PEDS1: variants seen among roughly 807,000 people sequenced by gnomAD.
PEDS1 encodes plasmanylethanolamine desaturase 1.
Under a neutral mutation model 35.2 loss-of-function variants are expected in PEDS1, and 14 were observed. The observed-to-expected ratio is 0.40, with a 90% confidence interval of 0.26 to 0.62. The LOEUF (loss-of-function observed/expected upper bound fraction) is 0.62, where lower values mean the gene tolerates loss of function less well. Among genes scored for constraint, PEDS1 ranks in the 20% least tolerant of loss-of-function variants. The pLI is 0.44. For missense variants in PEDS1, 260 were observed against 367.8 expected (o/e 0.71, Z 2.40); for synonymous variants, 152 against 152.0 (o/e 1.00, Z 0.00).
intron 1 of PEDS1, among the ~76,000 whole-genome samples, chr20:50,145,547 T>C (rs1244982837): frequency 2.0e-5 from 3 of 152,052 alleles, no homozygotes; most frequent in East Asian, 3.9e-4. Context: ...ATACAAAAAC[T>C]AGCCAGGTGT....
rs773265842 is a variant in PEDS1 at position 50,123,567 on chromosome 20, C to T, written c.*1491G>A. 1 of 152,364 alleles carries T rather than the reference C, an allele frequency of 6.6e-6. No individual in the cohort carries two copies. The highest frequency in any genetic ancestry group is 2.4e-5 in the African/African-American group (1 of 41,448). The allele number at this position is 152,364 out of a possible 1,614,324, so 9.4% of individuals were successfully genotyped here. On this transcript the variant is annotated 3_prime_UTR_variant, in exon 6 of 6. Transcript: ENST00000371652. ...TGGCGTGAGCCACTGTGCGTGGCCCCAAGCTTGTTCTTGCCTCAGGGCCTG... is the reference window on the plus strand; with the variant it reads ...TGGCGTGAGCCACTGTGCGTGGCCCTAAGCTTGTTCTTGCCTCAGGGCCTG...
At chr20:50,148,249 G>C (rs905553178) in intron 1 of PEDS1, among the ~76,000 whole-genome samples, 7 of 152,180 alleles carry the variant, frequency 4.6e-5, no homozygotes, top group African/African-American at 1.7e-4. Context: ...GAGAGGTCAA[G>C]GCACTTGTCC....
At chr20:50,146,712 A>G (rs1029478806) in intron 1 of PEDS1, among the ~76,000 whole-genome samples, 1 of 152,204 alleles carries the variant, frequency 6.6e-6, no homozygotes, top group African/African-American at 2.4e-5. Context: ...CCAGGGTTAC[A>G]TGCCCTTGGC....
At position 50,122,116 on chromosome 20, in the gene PEDS1, G is replaced by C. The variant is rs2081056252; in HGVS notation, c.*2942C>G. On this transcript the variant is annotated 3_prime_UTR_variant, in exon 6 of 6. Coordinates refer to ENST00000371652, the MANE Select transcript of PEDS1 (RefSeq NM_199129.4). ...CTACTGGGAATGCACTTTCCACTGA[G>C]ATTGCTGAGCTGGTCTAGTAAGTCT... is the stretch of plus-strand genomic sequence containing the variant. 1 of 152,234 alleles carries C rather than the reference G, an allele frequency of 6.6e-6. No individual in the cohort carries two copies. The highest frequency in any genetic ancestry group is 2.1e-4 in the South Asian group (1 of 4,836). 9.4% of individuals were successfully genotyped at this position (152,234 alleles called of 1,614,324 possible).
At chr20:50,140,929 C>T (rs2081285924) in intron 2 of PEDS1, among the ~76,000 whole-genome samples, 1 of 152,154 alleles carries the variant, frequency 6.6e-6, no homozygotes, top group Admixed American at 6.5e-5. Flanking sequence ...CTCTCATCAG[C>T]CCAGAGAGAA....
At chr20:50,137,229 A>C (rs913207171) in intron 2 of PEDS1, among the ~76,000 whole-genome samples, 2 of 151,996 alleles carry the variant, frequency 1.3e-5, no homozygotes, top group African/African-American at 4.8e-5. Context: ...CAAGGGTCTC[A>C]CCATGTTGTC....
At chr20:50,130,780 G>A (rs867792385) in intron 3 of PEDS1, 76 bp downstream of exon 3, 44 of 1,563,402 alleles carry the variant, frequency 2.8e-5, no homozygotes, top group South Asian at 2.6e-4. Flanking sequence ...AACAGTCTTA[G>A]AGAAGAAAGG....
intron 2 of PEDS1, among the ~76,000 whole-genome samples, chr20:50,139,881 G>A (rs1186752813): frequency 4.6e-5 from 7 of 151,620 alleles, no homozygotes; most frequent in East Asian, 1.9e-4. Flanking sequence ...GGGTTTCACC[G>A]TCCCAAAGTG....
chr20:50,153,518 TG>T lies in PEDS1; in HGVS notation c.119del (p.Pro40GlnfsTer11). On this transcript the variant is annotated frameshift_variant and splice_region_variant, in exon 1 of 6. Transcript: ENST00000371652. LOFTEE classifies it high-confidence loss of function. ...GARELAALYS[P>X]GKRLQEWCSV... is the part of the protein sequence containing the mutation. ...TGGAGGGGGGCCCAGAGGTCTTACC[TG>T]GCGAGTAGAGCGCAGCCAGCTCGCG... The T allele has an allele frequency of 7.1e-7, 1 of 1,404,316 alleles. No homozygotes were observed. Among genetic ancestry groups the T allele is most frequent in the Non-Finnish European group, 9.3e-7 (1 of 1,072,492 alleles). 87.0% of individuals were successfully genotyped at this position (1,404,316 alleles called of 1,614,324 possible).
At chr20:50,136,275 A>G (rs1569045316) in intron 2 of PEDS1, among the ~76,000 whole-genome samples, 1 of 152,204 alleles carries the variant, frequency 6.6e-6, no homozygotes, top group Non-Finnish European at 1.5e-5. Context: ...AGATGAGCAT[A>G]ATAAAAATTA....
chr20:50,136,600 G>A (rs1252896800), intron 2 of PEDS1, among the ~76,000 whole-genome samples: 5 of 151,768 alleles, frequency 3.3e-5, no homozygotes, highest in Non-Finnish European at 5.9e-5. Context: ...GTGTAGGCCT[G>A]TAATCTCAAC....
intron 1 of PEDS1, among the ~76,000 whole-genome samples, chr20:50,147,031 A>G (rs1210318614): frequency 6.6e-6 from 1 of 152,174 alleles, no homozygotes; most frequent in Non-Finnish European, 1.5e-5. Context: ...GGAAAGAACA[A>G]GTGAACCTTC....
rs1199886678 is a variant in PEDS1 at position 50,120,566 on chromosome 20, G to T, written c.*4492C>A. The T allele has an allele frequency of 6.6e-6, 1 of 151,960 alleles. No homozygotes were observed. The highest frequency in any genetic ancestry group is 1.9e-4 in the East Asian group (1 of 5,198). The allele number at this position is 151,960 out of a possible 1,614,324, so 9.4% of individuals were successfully genotyped here. ...CAAAGGAGGGTTGGCTGGGCGCGGT[G>T]GTTCATGCCTGTAATCCCAACACTT... is the stretch of plus-strand genomic sequence containing the variant. On this transcript the variant is annotated 3_prime_UTR_variant, in exon 6 of 6. Coordinates refer to ENST00000371652, the MANE Select transcript of PEDS1 (RefSeq NM_199129.4).
chr20:50,129,884 G>A lies in PEDS1; in HGVS notation c.334-194C>T, dbSNP rs192122620. On this transcript the variant is annotated intron_variant, in intron 3 of 5. Transcript: ENST00000371652. This position sits in a 1 kb window ranked among gnomAD's most constrained non-coding sequence, Gnocchi z 4.2. Reference sequence around the variant, plus strand: ...CATCCAGCCTTTGGGGAGATGAGCCGAAATGACCCTGGAAGGGCTTTGGGT... The same window carrying A: ...CATCCAGCCTTTGGGGAGATGAGCCAAAATGACCCTGGAAGGGCTTTGGGT... 2.6e-3 allele frequency among the ~76,000 whole-genome samples: 397 copies of A among 152,278 alleles called. No homozygotes were observed. The highest frequency in any genetic ancestry group is 9.0e-3 in the African/African-American group (373 of 41,560).
chr20:50,135,011 C>G (rs1050089982), intron 2 of PEDS1, among the ~76,000 whole-genome samples: 3 of 151,016 alleles, frequency 2.0e-5, no homozygotes, highest in African/African-American at 7.3e-5. Flanking sequence ...GGTGAAACCC[C>G]GTCTTTACTA....
intron 2 of PEDS1, among the ~76,000 whole-genome samples, chr20:50,133,739 C>T (rs762110852): frequency 6.6e-6 from 1 of 152,268 alleles, no homozygotes; most frequent in Non-Finnish European, 1.5e-5. Flanking sequence ...TCCTTCCGGG[C>T]AGTTGCTCTC....
chr20:50,127,637 C>T (rs1019446840), intron 5 of PEDS1, among the ~76,000 whole-genome samples: 2 of 152,218 alleles, frequency 1.3e-5, no homozygotes, highest in East Asian at 1.9e-4. Context: ...TGAGCCACTG[C>T]GCCCAGCTGA....
chr20:50,150,694 T>C (rs1478964727), intron 1 of PEDS1, among the ~76,000 whole-genome samples: 6 of 147,048 alleles, frequency 4.1e-5, no homozygotes, highest in Admixed American at 3.9e-4. Flanking sequence ...TCCGTTTTTT[T>C]CTTTTTCTTT....
chr20:50,142,469 G>A (rs1374995809), intron 2 of PEDS1, among the ~76,000 whole-genome samples: 6 of 152,122 alleles, frequency 3.9e-5, no homozygotes, highest in Non-Finnish European at 8.8e-5. Flanking sequence ...ACGGAGTCTC[G>A]CTCTGCTGCC....
Sources: allele counts gnomAD v4.1 joint callset (sites outside exome capture counted in the v4.1 genomes callset), GRCh38; gene constraint gnomAD v4.1.1; non-coding constraint Gnocchi (gnomAD v3.1); transcripts MANE v1.5; gene names NCBI Gene and HGNC (gene_info 2026-07-23, HGNC 2026-07-21).